Variants in PRUNE2 observed in about 807,000 individuals in gnomAD.
PRUNE2 encodes the protein protein prune homolog 2.
Under a neutral mutation model 252.0 loss-of-function variants are expected in PRUNE2, and 164 were observed. The ratio of observed to expected loss-of-function variants is 0.65; its 90% confidence interval spans 0.57 to 0.74. PRUNE2 has a LOEUF of 0.74. Among genes scored for constraint, PRUNE2 ranks in the 30% least tolerant of loss-of-function variants. The pLI is 0.00. For synonymous variants in PRUNE2, 1,292 were observed against 1,350.2 expected (o/e 0.96, Z 0.94); for missense variants, 3,495 against 3,711.0 (o/e 0.94, Z 1.51).
chr9:76,804,405 G>A (rs932969069), intron 6 of PRUNE2, among the ~76,000 whole-genome samples: 2 of 152,116 alleles, frequency 1.3e-5, no homozygotes, highest in African/African-American at 4.8e-5. Flanking sequence ...TTCCCTCTAA[G>A]AGGGTGAGAG....
intron 6 of PRUNE2, chr9:76,778,403 G>C (rs1488154659): frequency 1.3e-5 from 2 of 152,188 alleles, no homozygotes; most frequent in African/African-American, 2.4e-5. Flanking sequence ...AGTTTGATAG[G>C]AGACAATTAA....
In PRUNE2 at chr9:76,663,226, C is replaced by T. The variant is rs1022350200; in HGVS notation, c.8277-7724G>A. Among the ~76,000 whole-genome samples, 6 of 152,206 alleles carry T rather than the reference C, an allele frequency of 3.9e-5. No homozygotes were observed. The South Asian group carries it at 6.2e-4, about 16-fold the overall frequency. ...AGCTGGGGTCAAGCCCATGAAATAA[C>T]GCTCTTTAGCAACAGTTCGCTAACC... On this transcript the variant is annotated intron_variant, in intron 9 of 18. Coordinates refer to ENST00000376718, the MANE Select transcript of PRUNE2 (RefSeq NM_015225.3).
At chr9:76,781,710 G>C (rs1187877251) in intron 6 of PRUNE2, among the ~76,000 whole-genome samples, 1 of 152,180 alleles carries the variant, frequency 6.6e-6, no homozygotes, top group African/African-American at 2.4e-5. Flanking sequence ...GCTCCAAGAG[G>C]ATAAGAATTA....
intron 9 of PRUNE2, among the ~76,000 whole-genome samples, chr9:76,670,408 C>A (rs532535817): frequency 2.0e-5 from 3 of 150,940 alleles, no homozygotes; most frequent in African/African-American, 7.4e-5. Flanking sequence ...CCTACACCCA[C>A]GGAGTCTCGC....
Position 76,691,469 on chromosome 9 carries a change from T to C in PRUNE2, c.8276+11868A>G, listed in dbSNP as rs529514149. Among the ~76,000 whole-genome samples the C allele has an allele frequency of 3.9e-5, 6 of 152,336 alleles. No homozygotes were observed. The East Asian group carries it at 1.2e-3, about 29-fold the overall frequency. On this transcript the variant is annotated intron_variant, in intron 9 of 18. Coordinates refer to ENST00000376718, the MANE Select transcript of PRUNE2 (RefSeq NM_015225.3). ...CAGTGAAATACTGATATCCTTTCAG[T>C]AGAGTATTCTTTCTTGATTTTGAAA...
At chr9:76,664,314 G>C (rs1286497651) in intron 9 of PRUNE2, among the ~76,000 whole-genome samples, 1 of 152,166 alleles carries the variant, frequency 6.6e-6, no homozygotes, top group African/African-American at 2.4e-5. Context: ...TGAAAATCCA[G>C]GAAGGAACTG....
chr9:76,892,044 AAAAGAC>A (rs1262690919), intron 1 of PRUNE2, among the ~76,000 whole-genome samples: 1 of 135,342 alleles, frequency 7.4e-6, no homozygotes, highest in African/African-American at 2.9e-5. Flanking sequence ...AGAGGAAGTG[AAAAGAC>A]AAAGAGAAAG....
chr9:76,832,673 C>A (rs2058734932), intron 4 of PRUNE2, among the ~76,000 whole-genome samples: 1 of 150,618 alleles, frequency 6.6e-6, no homozygotes, highest in Non-Finnish European at 1.5e-5. Context: ...GGTAGAAGGA[C>A]AAATATAATA....
chr9:76,746,782 C>T (rs2050164976), intron 6 of PRUNE2, among the ~76,000 whole-genome samples: 1 of 144,300 alleles, frequency 6.9e-6, no homozygotes, highest in Admixed American at 6.9e-5. Flanking sequence ...GATAGCCGAA[C>T]ACACAGAGGC....
At chr9:76,772,292 T>C (rs1383472655) in intron 6 of PRUNE2, among the ~76,000 whole-genome samples, 1 of 152,228 alleles carries the variant, frequency 6.6e-6, no homozygotes, top group East Asian at 1.9e-4. Flanking sequence ...TTCTCAGGGA[T>C]GGACTCTTCA....
intron 1 of PRUNE2, among the ~76,000 whole-genome samples, chr9:76,854,551 T>G (rs2060137544): frequency 6.6e-6 from 1 of 152,210 alleles, no homozygotes; most frequent in South Asian, 2.1e-4. Flanking sequence ...TTTCTTTATA[T>G]AAGATGTTCT....
intron 1 of PRUNE2, among the ~76,000 whole-genome samples, chr9:76,904,476 G>C (rs190897865): frequency 6.6e-6 from 1 of 152,212 alleles, no homozygotes; most frequent in East Asian, 1.9e-4. Flanking sequence ...GTTTGTCATT[G>C]ATTACCATTT....
At chr9:76,886,393 CA>C (rs1439501150) in intron 1 of PRUNE2, among the ~76,000 whole-genome samples, 1 of 152,158 alleles carries the variant, frequency 6.6e-6, no homozygotes, top group Non-Finnish European at 1.5e-5. Context: ...CTCTCAGGCT[CA>C]GCTGATGGGA....
chr9:76,636,597 C>A (rs1160082174), intron 14 of PRUNE2, 40 bp from the exon 15 acceptor site: 1 of 1,018,336 alleles, frequency 9.8e-7, no homozygotes, highest in East Asian at 2.6e-5. Flanking sequence ...ACTCTTAACC[C>A]ATTTTCAGTG....
At chr9:76,824,001 A>T (rs1449273946) in intron 5 of PRUNE2, among the ~76,000 whole-genome samples, 1 of 152,194 alleles carries the variant, frequency 6.6e-6, no homozygotes, top group African/African-American at 2.4e-5. Context: ...TGGGTGAGAA[A>T]GTGAATAAAA....
At chr9:76,666,792 G>A (rs747420361) in intron 9 of PRUNE2, among the ~76,000 whole-genome samples, 6 of 151,984 alleles carry the variant, frequency 3.9e-5, no homozygotes, top group South Asian at 2.1e-4. Context: ...GCAATCTCTC[G>A]TCTCCGCACA....
chr9:76,638,136 T>A, intron 13 of PRUNE2, 50 bp downstream of exon 13: 1 of 1,172,828 alleles, frequency 8.5e-7, no homozygotes, highest in Non-Finnish European at 1.3e-6. Context: ...TATCTGCCAT[T>A]ACATGCCACA....
chr9:76,756,857 C>T (rs947619996), intron 6 of PRUNE2, among the ~76,000 whole-genome samples: 1 of 151,900 alleles, frequency 6.6e-6, no homozygotes, highest in Non-Finnish European at 1.5e-5. Context: ...GCCCTGCCCC[C>T]CCGTGATACT....
intron 6 of PRUNE2, among the ~76,000 whole-genome samples, chr9:76,766,182 CA>C (rs35059224): frequency 0.12 from 13,722 of 112,304 alleles, 1,712 homozygotes; most frequent in African/African-American, 0.37. Flanking sequence ...GACTCTGCCT[CA>C]AAAAAAAAAA....
Sources: gnomAD v4.1 joint callset for allele counts (sites outside exome capture counted in the v4.1 genomes callset) on GRCh38, gnomAD v4.1.1 for gene constraint, MANE v1.5 for transcripts, NCBI Gene and HGNC (gene_info 2026-07-23, HGNC 2026-07-21) for gene names.